BPIFB4: variants seen among roughly 807,000 people sequenced by gnomAD.
BPIFB4 encodes the protein BPI fold-containing family B member 4.
BPIFB4 carries 62 observed loss-of-function variants against 69.2 expected under a neutral mutation model. The observed-to-expected ratio is 0.90, with a 90% CI of 0.73 to 1.11. The LOEUF (loss-of-function observed/expected upper bound fraction) is 1.11, where lower values mean the gene tolerates loss of function less well. Among genes scored for constraint, BPIFB4 ranks in the 50% least tolerant of loss-of-function variants. BPIFB4 has a pLI of 0.00. For synonymous variants in BPIFB4, 330 were observed against 332.7 expected, an observed-to-expected ratio of 0.99 and a Z score of 0.09; for missense variants, 789 against 792.0, an observed-to-expected ratio of 1.00 and a Z score of 0.04.
chr20:33,097,474 A>G (rs959841008), intron 12 of BPIFB4, 143 bp from the exon 13 acceptor site: 9 of 844,638 alleles, frequency 1.1e-5, no homozygotes, highest in African/African-American at 3.4e-5. Flanking sequence ...CAGTTCTCAC[A>G]GTGGGTCATT....
At chr20:33,099,043 G>C (rs562829068) in intron 13 of BPIFB4, among the ~76,000 whole-genome samples, 1 of 151,026 alleles carries the variant, frequency 6.6e-6, no homozygotes, top group South Asian at 2.1e-4. Context: ...CCTAGGCTAC[G>C]GTCTAGCTTA....
intron 15 of BPIFB4, among the ~76,000 whole-genome samples, chr20:33,103,628 C>G (rs1317874314): frequency 6.6e-6 from 1 of 152,058 alleles, no homozygotes; most frequent in Non-Finnish European, 1.5e-5. Flanking sequence ...CTCCCCACCC[C>G]CCCACCTCCG....
At chr20:33,087,283 C>T (rs1181343108) in intron 7 of BPIFB4, among the ~76,000 whole-genome samples, 1 of 152,222 alleles carries the variant, frequency 6.6e-6, no homozygotes, top group Non-Finnish European at 1.5e-5. Context: ...TCCCACCAAG[C>T]TCACCAGTTA....
At chr20:33,085,798 G>A (rs1005891466) in intron 6 of BPIFB4, among the ~76,000 whole-genome samples, 1 of 152,244 alleles carries the variant, frequency 6.6e-6, no homozygotes, top group Non-Finnish European at 1.5e-5. Flanking sequence ...ACCAGAATGT[G>A]TGCTGAGCCC....
rs752906581 is a variant in BPIFB4, at chr20:33,104,792, C to T, written c.1681-18C>T. ...GCAAACCCCCTGCCCAGGCTCTGTC[C>T]TCCTTCTTCCTCTGCAGATTGGCCT... On this transcript the variant is annotated intron_variant, in intron 15 of 17. Transcript: ENST00000375483. 2.5e-6 allele frequency: 4 copies of T among 1,613,624 alleles called. No homozygotes were observed. The East Asian group carries it at 6.7e-5, about 27-fold the overall frequency.
chr20:33,103,103 C>A, intron 15 of BPIFB4, 89 bp downstream of exon 15: 1 of 1,454,866 alleles, frequency 6.9e-7, no homozygotes, highest in South Asian at 1.1e-5. Flanking sequence ...GTGAGGCTGG[C>A]TGGGCATGGG....
intron 10 of BPIFB4, 66 bp downstream of exon 10, chr20:33,090,865 G>C: frequency 6.3e-7 from 1 of 1,586,908 alleles, no homozygotes; most frequent in Non-Finnish European, 8.6e-7. Flanking sequence ...TATCAGTGAG[G>C]CCCTCCCAGG....
intron 10 of BPIFB4, among the ~76,000 whole-genome samples, 180 bp downstream of exon 10, chr20:33,090,979 A>G (rs980685264): frequency 4.6e-5 from 7 of 152,248 alleles, no homozygotes; most frequent in African/African-American, 1.7e-4. Context: ...CCAGCATTCC[A>G]AATGCTTACT....
At chr20:33,089,433 C>A in intron 8 of BPIFB4, 65 bp from the exon 9 acceptor site, 1 of 1,610,906 alleles carries the variant, frequency 6.2e-7, no homozygotes, top group Non-Finnish European at 8.5e-7. Flanking sequence ...ACTCTTGCGT[C>A]CCCGACTCCC....
At chr20:33,096,083 C>T (rs116687268) in intron 12 of BPIFB4, among the ~76,000 whole-genome samples, 1,760 of 152,228 alleles carry the variant, frequency 0.012, 32 homozygotes, top group African/African-American at 0.04. Flanking sequence ...AGGGGGAGAA[C>T]AAACTCAACA....
intron 11 of BPIFB4, among the ~76,000 whole-genome samples, chr20:33,093,775 C>A (rs1981678586): frequency 6.6e-6 from 1 of 152,006 alleles, no homozygotes; most frequent in Non-Finnish European, 1.5e-5. Context: ...ATCCATTTAT[C>A]TATCCATCCA....
chr20:33,107,462 A>C (rs1982101079), intron 16 of BPIFB4, among the ~76,000 whole-genome samples: 2 of 151,582 alleles, frequency 1.3e-5, no homozygotes, highest in Admixed American at 1.3e-4. Context: ...CAAAAAACAA[A>C]ACAAACAAAC....
intron 3 of BPIFB4, 46 bp from the exon 4 acceptor site, chr20:33,082,892 G>A (rs1175750758): frequency 1.0e-5 from 16 of 1,568,402 alleles, no homozygotes; most frequent in Admixed American, 1.7e-5. Flanking sequence ...GGCTGGAGGT[G>A]GAAAAAAGGG....
intron 12 of BPIFB4, among the ~76,000 whole-genome samples, chr20:33,097,306 A>G (rs1256308268): frequency 2.0e-5 from 3 of 152,234 alleles, no homozygotes; most frequent in Non-Finnish European, 2.9e-5. Context: ...CTGTCCATTC[A>G]GCACCTGGCC....
Position 33,081,586 on chromosome 20 carries a change from C to T in BPIFB4, c.60C>T (p.His20=), listed in dbSNP as rs764452707. 2.6e-6 allele frequency: 4 copies of T among 1,551,604 alleles called. No homozygotes were observed. Among genetic ancestry groups the T allele is most frequent in the Admixed American group, 3.9e-5 (2 of 50,988 alleles). The change falls in exon 3 of 18, where the codon CAC becomes CAT. Residue 20 remains histidine, a synonymous_variant. Transcript: ENST00000375483. ...LSVVAVCGTS[H]ETNTVLRVTK... ...TGGTGGCTGTGTGTGGCACCAGCCA[C>T]GAGACAAACACGGTCCTCAGGGTGA...
chr20:33,089,067 G>T (rs1981520680), intron 8 of BPIFB4, 38 bp downstream of exon 8: 4 of 1,613,418 alleles, frequency 2.5e-6, no homozygotes, highest in Non-Finnish European at 3.4e-6. Flanking sequence ...AGGGGCACAG[G>T]CTTCCCCCAG....
intron 12 of BPIFB4, among the ~76,000 whole-genome samples, chr20:33,096,565 G>C (rs115967894): frequency 0.013 from 1,962 of 152,354 alleles, 38 homozygotes; most frequent in African/African-American, 0.044. Flanking sequence ...ATGAGCCACA[G>C]TGCCCAGTCA....
Position 33,081,637 on chromosome 20 carries a change from G to C in BPIFB4, c.106+5G>C, listed in dbSNP as rs1337727633. On this transcript the variant is annotated splice_donor_5th_base_variant and intron_variant, in intron 3 of 17. Transcript: ENST00000375483. Reference sequence around the variant, plus strand: ...CGAAAGATGTGTTGAGCAATGGTGAGTCCAGCCCCAAAGGGGTGAGGGTTG... The same window carrying C: ...CGAAAGATGTGTTGAGCAATGGTGACTCCAGCCCCAAAGGGGTGAGGGTTG... The C allele has an allele frequency of 6.4e-7, 1 of 1,551,634 alleles. No individual in the cohort carries two copies. Among genetic ancestry groups the C allele is most frequent in the Admixed American group, 2.0e-5 (1 of 51,006 alleles).
intron 14 of BPIFB4, 131 bp downstream of exon 14, chr20:33,100,624 A>AT: frequency 1.3e-6 from 1 of 750,076 alleles, no homozygotes; most frequent in Non-Finnish European, 2.1e-6. Flanking sequence ...AAAGGTGACG[A>AT]TGGCTCATGC....
Sources: gnomAD v4.1 joint callset for allele counts (sites outside exome capture counted in the v4.1 genomes callset) on GRCh38, gnomAD v4.1.1 for gene constraint, MANE v1.5 for transcripts, NCBI Gene and HGNC (gene_info 2026-07-23, HGNC 2026-07-21) for gene names.